Variants in PLCB1 observed in about 807,000 individuals in gnomAD.
PLCB1 encodes the protein phospholipase C beta 1.
PLCB1 carries 46 observed loss-of-function variants against 161.8 expected under a neutral mutation model. The observed-to-expected ratio is 0.28, with a 90% CI of 0.22 to 0.36. PLCB1 has a LOEUF of 0.36. Ranked by LOEUF, PLCB1 falls within the 10% of genes least tolerant of loss-of-function variation. The pLI, the probability that PLCB1 is intolerant of heterozygous loss-of-function variation, is 1.00. For synonymous variants in PLCB1, 517 were observed against 503.7 expected (o/e 1.03, Z -0.35); for missense variants, 1,016 against 1,472.5 (o/e 0.69, Z 5.07).
rs151288345 is a variant in PLCB1, at chr20:8,750,610, G to C, written c.2524-6436G>C. On this transcript the variant is annotated intron_variant, in intron 23 of 31. Coordinates refer to ENST00000338037, the MANE Select transcript of PLCB1 (RefSeq NM_015192.4). ...GTATACTTCACTCCTAAACGTTTGG[G>C]AGTGCATACAGCAGGACAAAGTTTG... Among the ~76,000 whole-genome samples, 222 of 152,258 alleles carry C rather than the reference G, an allele frequency of 1.5e-3. 1 individual carries two copies. The highest frequency in any genetic ancestry group is 5.2e-3 in the African/African-American group (214 of 41,536).
chr20:8,417,458 T>C (rs1979353410), intron 3 of PLCB1, among the ~76,000 whole-genome samples: 1 of 152,080 alleles, frequency 6.6e-6, no homozygotes. Context: ...GGTTTTTTTT[T>C]TTTAGTTCTA....
chr20:8,756,692 T>G (rs1321344341), intron 23 of PLCB1, among the ~76,000 whole-genome samples: 1 of 152,154 alleles, frequency 6.6e-6, no homozygotes, highest in Admixed American at 6.5e-5. Context: ...ATTGCTATAA[T>G]AGGACCCTGA....
intron 4 of PLCB1, among the ~76,000 whole-genome samples, chr20:8,642,969 T>C (rs919409045): frequency 6.6e-6 from 1 of 152,244 alleles, no homozygotes; most frequent in African/African-American, 2.4e-5. Flanking sequence ...GTTATTATTC[T>C]TAGTTTAAAA....
At chr20:8,463,007 C>T (rs931273628) in intron 3 of PLCB1, among the ~76,000 whole-genome samples, 16 of 151,788 alleles carry the variant, frequency 1.1e-4, no homozygotes, top group African/African-American at 3.9e-4. Context: ...TTATTTTATT[C>T]CAGTTTGTTC....
At chr20:8,245,096 T>A (rs1446692595) in intron 2 of PLCB1, among the ~76,000 whole-genome samples, 1 of 151,892 alleles carries the variant, frequency 6.6e-6, no homozygotes, top group Non-Finnish European at 1.5e-5. Flanking sequence ...TTTTAAAATG[T>A]TTATATGTAT....
chr20:8,268,988 AG>A (rs562062069), intron 2 of PLCB1, among the ~76,000 whole-genome samples: 99 of 152,330 alleles, frequency 6.5e-4, no homozygotes, highest in African/African-American at 2.4e-3. Flanking sequence ...TCTTGGAGGA[AG>A]GGACATCAAC....
At chr20:8,878,844 T>A (rs570696063) in intron 31 of PLCB1, among the ~76,000 whole-genome samples, 2 of 152,290 alleles carry the variant, frequency 1.3e-5, no homozygotes, top group South Asian at 4.2e-4. Flanking sequence ...CATGAGTATA[T>A]TGTGTAACAT....
intron 23 of PLCB1, among the ~76,000 whole-genome samples, chr20:8,754,570 T>G (rs1449311154): frequency 6.6e-6 from 1 of 152,134 alleles, no homozygotes; most frequent in Admixed American, 6.5e-5. Context: ...GAAACCAACT[T>G]GGATATAATG....
intron 31 of PLCB1, among the ~76,000 whole-genome samples, chr20:8,866,471 C>T (rs1212220906): frequency 2.0e-5 from 3 of 152,194 alleles, no homozygotes; most frequent in Non-Finnish European, 4.4e-5. Flanking sequence ...TACCCAAATA[C>T]TCCGGAAGTT....
In PLCB1 at chr20:8,400,132, G is replaced by A. The variant is rs535578680; in HGVS notation, c.246+28682G>A. Reference sequence around the variant, plus strand: ...ATTGTCAACTGCTTGTGGTGGCATAGGGAAGTACCTTAGCTGCACTATGTG... The same window carrying A: ...ATTGTCAACTGCTTGTGGTGGCATAAGGAAGTACCTTAGCTGCACTATGTG... On this transcript the variant is annotated intron_variant, in intron 3 of 31. Transcript: ENST00000338037. Among the ~76,000 whole-genome samples the A allele has an allele frequency of 1.4e-4, 22 of 152,260 alleles. No individual in the cohort carries two copies. In the East Asian group the frequency reaches 4.2e-3, roughly 29 times the overall value.
chr20:8,360,088 C>T (rs997137954), intron 2 of PLCB1, among the ~76,000 whole-genome samples: 1 of 152,172 alleles, frequency 6.6e-6, no homozygotes, highest in Non-Finnish European at 1.5e-5. Context: ...GGTGAGCTTT[C>T]AGGTGAAGTC....
intron 10 of PLCB1, 134 bp from the exon 11 acceptor site, chr20:8,697,492 G>C: frequency 1.2e-6 from 1 of 849,442 alleles, no homozygotes; most frequent in Non-Finnish European, 1.9e-6. Flanking sequence ...TGTTGAGGCA[G>C]AAGAAAGGCA....
At chr20:8,325,011 C>CA (rs1375282670) in intron 2 of PLCB1, among the ~76,000 whole-genome samples, 2 of 152,230 alleles carry the variant, frequency 1.3e-5, no homozygotes, top group East Asian at 3.9e-4. Flanking sequence ...ACAGGTTTTT[C>CA]GGGTGCTTTT....
At chr20:8,817,671 C>A (rs1450505709) in intron 31 of PLCB1, among the ~76,000 whole-genome samples, 3 of 152,134 alleles carry the variant, frequency 2.0e-5, no homozygotes, top group African/African-American at 7.2e-5. Context: ...AGACCTTAAA[C>A]TATTACTACA....
At chr20:8,230,043 T>A (rs1979928360) in intron 2 of PLCB1, among the ~76,000 whole-genome samples, 1 of 113,872 alleles carries the variant, frequency 8.8e-6, no homozygotes, top group Non-Finnish European at 1.7e-5. Context: ...GCAACAGAGT[T>A]GCGACTTGGC....
At chr20:8,189,093 T>C (rs1402326723) in intron 2 of PLCB1, among the ~76,000 whole-genome samples, 1 of 152,004 alleles carries the variant, frequency 6.6e-6, no homozygotes, top group African/African-American at 2.4e-5. Context: ...CATTTGACTG[T>C]TTCCTTCTAG....
At chr20:8,661,201 C>T (rs1172910195) in intron 9 of PLCB1, among the ~76,000 whole-genome samples, 1 of 152,128 alleles carries the variant, frequency 6.6e-6, no homozygotes, top group Non-Finnish European at 1.5e-5. Context: ...TCCCCAGCAC[C>T]TAGAAGATGC....
chr20:8,568,427 G>GA (rs920616921), intron 3 of PLCB1, among the ~76,000 whole-genome samples: 13 of 152,030 alleles, frequency 8.6e-5, no homozygotes, highest in African/African-American at 2.2e-4. Context: ...AGCCTGTGGA[G>GA]AAAAAAATTT....
chr20:8,724,178 T>TAAAA (rs3034831), intron 15 of PLCB1, among the ~76,000 whole-genome samples: 5 of 147,846 alleles, frequency 3.4e-5, no homozygotes, highest in African/African-American at 9.9e-5. Context: ...TTTATTTATA[T>TAAAA]AAAAAAAAAA....
Sources: gnomAD v4.1 joint callset for allele counts (sites outside exome capture counted in the v4.1 genomes callset) on GRCh38, gnomAD v4.1.1 for gene constraint, MANE v1.5 for transcripts, NCBI Gene and HGNC (gene_info 2026-07-23, HGNC 2026-07-21) for gene names.